The following STARD13 variants were observed in gnomAD, a reference collection of about 807,000 sequenced individuals.
The protein encoded by STARD13 is stAR-related lipid transfer protein 13.
In STARD13, 62 loss-of-function variants were observed where a neutral mutation model predicts 106.4. That is an observed-to-expected ratio of 0.58 (90% CI 0.48 to 0.72). STARD13 has a LOEUF of 0.72. Among genes scored for constraint, STARD13 ranks in the 30% least tolerant of loss-of-function variants. The pLI, the probability that STARD13 is intolerant of heterozygous loss-of-function variation, is 0.00. For missense variants in STARD13, 1,387 were observed against 1,424.0 expected (o/e 0.97, Z 0.42); for synonymous variants, 565 against 553.0 (o/e 1.02, Z -0.31).
chr13:33,597,015 T>C, the STARD13 span, among the ~76,000 whole-genome samples: 1 of 152,244 alleles, frequency 6.6e-6, no homozygotes, highest in African/African-American at 2.4e-5. Context: ...CAGGTATCTG[T>C]TGATATACTG....
At chr13:33,186,826 T>C (rs899614159) in intron 1 of STARD13, among the ~76,000 whole-genome samples, 1 of 152,206 alleles carries the variant, frequency 6.6e-6, no homozygotes, top group African/African-American at 2.4e-5. Flanking sequence ...AAATTATCTT[T>C]GGTATAATGG....
the STARD13 span, among the ~76,000 whole-genome samples, chr13:33,500,799 G>C: frequency 6.6e-6 from 1 of 152,082 alleles, no homozygotes; most frequent in African/African-American, 2.4e-5. Flanking sequence ...AAGTAAAGCA[G>C]TGAGATAGAA....
At chr13:33,123,159 C>CA (rs1876630069) in intron 7 of STARD13, among the ~76,000 whole-genome samples, 1 of 148,346 alleles carries the variant, frequency 6.7e-6, no homozygotes, top group Non-Finnish European at 1.5e-5. Flanking sequence ...GAAAAAGTGA[C>CA]AAACAGCCAG....
At chr13:33,512,051 G>A in the STARD13 span, among the ~76,000 whole-genome samples, 1 of 152,164 alleles carries the variant, frequency 6.6e-6, no homozygotes, top group Non-Finnish European at 1.5e-5. Context: ...GACACAGGCT[G>A]TTTTTAGTAA....
chr13:33,291,324 C>G (rs60639204), intron 1 of STARD13, among the ~76,000 whole-genome samples: 4 of 152,204 alleles, frequency 2.6e-5, no homozygotes, highest in African/African-American at 9.6e-5. Context: ...TGTAGTCTCA[C>G]GTTTTTTTCC....
At chr13:33,438,857 C>T in the STARD13 span, among the ~76,000 whole-genome samples, 1 of 152,086 alleles carries the variant, frequency 6.6e-6, no homozygotes, top group Admixed American at 6.5e-5. Flanking sequence ...ATGCTGGCAC[C>T]AATGCAGATA....
At chr13:33,211,506 G>T (rs1306047380) in intron 1 of STARD13, among the ~76,000 whole-genome samples, 1 of 152,066 alleles carries the variant, frequency 6.6e-6, no homozygotes, top group Non-Finnish European at 1.5e-5. Context: ...TTGGTTCCAG[G>T]ATCCCCACAG....
the STARD13 span, among the ~76,000 whole-genome samples, chr13:33,434,618 T>C: frequency 6.0e-4 from 92 of 152,246 alleles, no homozygotes; most frequent in African/African-American, 2.2e-3. Context: ...TCTAGTATCT[T>C]GGAATTACTC....
chr13:33,519,205 ATTTTTTCTTTCTTTCTTTCTT>A, the STARD13 span, among the ~76,000 whole-genome samples: 561 of 86,896 alleles, frequency 6.5e-3, 5 homozygotes, highest in African/African-American at 0.023. Flanking sequence ...CCTCTTGGTA[ATTTTTTCTTTCTTTCTTTCTT>A]TCTTTCTTTC....
intron 4 of STARD13, 67 bp downstream of exon 4, chr13:33,142,243 C>T (rs146975861): frequency 1.1e-5 from 13 of 1,218,110 alleles, no homozygotes; most frequent in Non-Finnish European, 1.3e-5. Context: ...CTATGTTGCT[C>T]AGATTGATCT....
In STARD13 at chr13:33,147,671, T is replaced by TAAAC. The variant is rs148439344; in HGVS notation, c.324-5302_324-5299dup. ...TTACAATATTTAAAATGTCCAGTTT[T>TAAAC]AAACAAACAAACAAACAAACAAAAA... On this transcript the variant is annotated intron_variant, in intron 3 of 13. Coordinates refer to ENST00000336934, the MANE Select transcript of STARD13 (RefSeq NM_178006.4). Among the ~76,000 whole-genome samples the TAAAC allele has an allele frequency of 4.1e-3, 622 of 152,184 alleles. 6 individuals carry two copies. The highest frequency in any genetic ancestry group is 0.013 in the African/African-American group (551 of 41,490).
the STARD13 span, among the ~76,000 whole-genome samples, chr13:33,642,075 G>A: frequency 1.4e-4 from 22 of 151,916 alleles, 1 homozygote; most frequent in East Asian, 2.1e-3. Context: ...TTTCTTTCCC[G>A]TCACCCTACT....
chr13:33,351,046 T>C (rs1442977532), upstream of STARD13, among the ~76,000 whole-genome samples: 3 of 152,218 alleles, frequency 2.0e-5, no homozygotes, highest in Admixed American at 1.3e-4. Context: ...CTCGGTTAGG[T>C]TGACATTCTT....
the STARD13 span, among the ~76,000 whole-genome samples, chr13:33,360,638 C>T: frequency 7.0e-6 from 1 of 142,404 alleles, no homozygotes; most frequent in African/African-American, 2.6e-5. Context: ...ATACATTTTC[C>T]TTCTGTGTAG....
chr13:33,179,328 C>T (rs1885008814), intron 1 of STARD13, among the ~76,000 whole-genome samples: 2 of 152,164 alleles, frequency 1.3e-5, no homozygotes, highest in Admixed American at 1.3e-4. Flanking sequence ...TCTAGCATAC[C>T]TCAGTTTCTT....
chr13:33,294,556 C>G (rs1006676807), intron 1 of STARD13, among the ~76,000 whole-genome samples: 3 of 152,206 alleles, frequency 2.0e-5, no homozygotes, highest in African/African-American at 7.2e-5. Flanking sequence ...TCATACTTAT[C>G]TCTTTAATAG....
intron 1 of STARD13, among the ~76,000 whole-genome samples, chr13:33,273,391 C>G (rs1891256160): frequency 6.6e-6 from 1 of 152,210 alleles, no homozygotes; most frequent in African/African-American, 2.4e-5. Context: ...TCAAGATTAA[C>G]ATGTAACTTA....
At chr13:33,384,459 G>A in the STARD13 span, among the ~76,000 whole-genome samples, 1 of 152,038 alleles carries the variant, frequency 6.6e-6, no homozygotes, top group Non-Finnish European at 1.5e-5. Flanking sequence ...TGTGTCCACT[G>A]GCCCGAGAAA....
chr13:33,652,179 T>C, the STARD13 span, among the ~76,000 whole-genome samples: 1 of 152,224 alleles, frequency 6.6e-6, no homozygotes, highest in African/African-American at 2.4e-5. Context: ...TTTCTTGAAC[T>C]GAACTGACCA....
Sources: gnomAD v4.1 joint callset for allele counts (sites outside exome capture counted in the v4.1 genomes callset) on GRCh38, gnomAD v4.1.1 for gene constraint, MANE v1.5 for transcripts, NCBI Gene and HGNC (gene_info 2026-07-23, HGNC 2026-07-21) for gene names.